Variants in OXNAD1 observed in about 807,000 individuals in gnomAD.
The protein encoded by OXNAD1 is oxidoreductase NAD binding domain containing 1, also known as oxidoreductase NAD-binding domain-containing protein 1.
A neutral mutation model predicts 32.9 loss-of-function variants in OXNAD1; 34 were observed. The observed-to-expected ratio is 1.03, with a 90% confidence interval of 0.79 to 1.38. The LOEUF (loss-of-function observed/expected upper bound fraction) is 1.38, where lower values mean the gene tolerates loss of function less well. Ranked by LOEUF, OXNAD1 falls within the 40% of genes most tolerant of loss-of-function variation. The pLI is 0.00. For synonymous variants in OXNAD1, 134 were observed against 135.2 expected (o/e 0.99, Z 0.06); for missense variants, 407 against 379.4 (o/e 1.07, Z -0.60).
intron 9 of OXNAD1, among the ~76,000 whole-genome samples, chr3:16,333,904 G>A (rs867657627): frequency 7.9e-5 from 12 of 152,214 alleles, no homozygotes; most frequent in South Asian, 4.1e-4. Context: ...GGTGGCTCAC[G>A]CCTGTAATCC....
chr3:16,285,884 A>G (rs1051938372), intron 4 of OXNAD1, among the ~76,000 whole-genome samples: 1 of 152,190 alleles, frequency 6.6e-6, no homozygotes, highest in African/African-American at 2.4e-5. Flanking sequence ...TGATTTCTGA[A>G]ATTAGCTCTT....
chr3:16,295,922 C>T (rs2066754398), intron 6 of OXNAD1, among the ~76,000 whole-genome samples: 1 of 152,092 alleles, frequency 6.6e-6, no homozygotes, highest in Admixed American at 6.5e-5. Flanking sequence ...TTAAAGGTTG[C>T]AGAGAATTTT....
In OXNAD1 at chr3:16,317,790, C is replaced by T. The variant is rs980511894; in HGVS notation, c.*30+14198C>T. On this transcript the variant is annotated intron_variant, in intron 9 of 9. Coordinates refer to the OXNAD1 transcript ENST00000435829. This position sits in a 1 kb window ranked among gnomAD's most constrained non-coding sequence, Gnocchi z 4.3. ...GCTAGGCCGATAGCCCTTTGCTGAC[C>T]ACCACCTCACAGAAGGGTCACACCA... Among the ~76,000 whole-genome samples, 1 of 151,806 alleles carries T rather than the reference C, an allele frequency of 6.6e-6. No homozygotes were observed. Among genetic ancestry groups the T allele is most frequent in the African/African-American group, 2.4e-5 (1 of 41,104 alleles).
In OXNAD1 at chr3:16,336,614, G is replaced by A. The variant is rs140938139; in HGVS notation, c.*31-498G>A. ...CAACATAATAGAGTCTGAGAGAGCA[G>A]TCTTCTCATTTTAGACAACTTAGGC... On this transcript the variant is annotated intron_variant, in intron 9 of 9. Coordinates refer to the OXNAD1 transcript ENST00000435829. This position sits in a 1 kb window ranked among gnomAD's most constrained non-coding sequence, Gnocchi z 6.0. Among the ~76,000 whole-genome samples the A allele has an allele frequency of 1.3e-5, 2 of 152,334 alleles. No homozygotes were observed. The highest frequency in any genetic ancestry group is 4.8e-5 in the African/African-American group (2 of 41,582).
chr3:16,307,334 C>A (rs149363846), downstream of OXNAD1, among the ~76,000 whole-genome samples: 8 of 152,158 alleles, frequency 5.3e-5, no homozygotes. Context: ...AGGTTCGGGG[C>A]TCTTAACGTG....
rs2064941094 is a variant in OXNAD1, at chr3:16,271,522, G to A, written c.120-137G>A. On this transcript the variant is annotated intron_variant, in intron 3 of 8. Transcript: ENST00000285083. The surrounding 1 kb of genome is among the most constrained non-coding windows in gnomAD (Gnocchi z 4.6). ...CCCGGCCAAAACTTTAGTTAGACGG[G>A]CAGATACTCACTGGCCATTTTATAG... The A allele has an allele frequency of 5.6e-6, 4 of 713,138 alleles. No individual in the cohort carries two copies. Among genetic ancestry groups the A allele is most frequent in the Non-Finnish European group, 8.7e-6 (4 of 461,786 alleles). 44.2% of individuals were successfully genotyped at this position (713,138 alleles called of 1,614,324 possible).
rs1033267892 is a variant in OXNAD1, at chr3:16,346,038, C to G, written c.*31-3138C>G. Reference sequence around the variant, plus strand: ...ATCAAAATTCACTTTGCCCCATGATCTTCACCAGAACGGCATACTTGCCTC... The same window carrying G: ...ATCAAAATTCACTTTGCCCCATGATGTTCACCAGAACGGCATACTTGCCTC... On this transcript the variant is annotated intron_variant, in intron 9 of 9. Coordinates refer to the OXNAD1 transcript ENST00000606098. This position sits in a 1 kb window ranked among gnomAD's most constrained non-coding sequence, Gnocchi z 4.4. 1.3e-5 allele frequency: 2 copies of G among 152,166 alleles called. No homozygotes were observed. The highest frequency in any genetic ancestry group is 4.8e-5 in the African/African-American group (2 of 41,434). 9.4% of individuals were successfully genotyped at this position (152,166 alleles called of 1,614,324 possible).
Position 16,302,718 on chromosome 3 carries a change from AT to A in OXNAD1, c.755del (p.Ile252ThrfsTer14). 1 of 1,613,152 alleles carries A rather than the reference AT, an allele frequency of 6.2e-7. No individual in the cohort carries two copies. The highest frequency in any genetic ancestry group is 8.5e-7 in the Non-Finnish European group (1 of 1,179,256). ...SLHVTKQTTQ[I>X]NAELKPYITE... is the part of the protein sequence containing the mutation. ...GCATGTTACAAAACAGACTACACAAATCAATGCGGAACTCAAGCCATACATC... is the reference window on the plus strand; with the variant it reads ...GCATGTTACAAAACAGACTACACAAACAATGCGGAACTCAAGCCATACATC... On this transcript the variant is annotated frameshift_variant, in exon 8 of 9. Coordinates refer to ENST00000285083, the MANE Select transcript of OXNAD1 (RefSeq NM_138381.5). LOFTEE classifies it high-confidence loss of function. This position sits in a 1 kb window ranked among gnomAD's most constrained non-coding sequence, Gnocchi z 4.2.
In OXNAD1 at chr3:16,336,578, T is replaced by C. The variant is rs1488962372; in HGVS notation, c.*31-534T>C. ...GCCCCAGAAAAACATTTTGCTGATA[T>C]GTAATCAGGACAACATAATAGAGTC... On this transcript the variant is annotated intron_variant, in intron 9 of 9. Transcript: ENST00000435829. This position sits in a 1 kb window ranked among gnomAD's most constrained non-coding sequence, Gnocchi z 6.0. Among the ~76,000 whole-genome samples, 6 of 152,252 alleles carry C rather than the reference T, an allele frequency of 3.9e-5. No individual in the cohort carries two copies. Among genetic ancestry groups the C allele is most frequent in the African/African-American group, 1.4e-4 (6 of 41,470 alleles).
chr3:16,326,945 T>C (rs1574977631), intron 9 of OXNAD1: 2 of 1,195,270 alleles, frequency 1.7e-6, no homozygotes, highest in African/African-American at 3.0e-5. Context: ...GAGAGGGGAC[T>C]ATTCAGTCTG....
At chr3:16,281,675 A>G (rs1031048718) in intron 4 of OXNAD1, among the ~76,000 whole-genome samples, 1 of 152,166 alleles carries the variant, frequency 6.6e-6, no homozygotes, top group Non-Finnish European at 1.5e-5. Flanking sequence ...TTACATTTGG[A>G]CATTGGAAAA....
downstream of OXNAD1, among the ~76,000 whole-genome samples, chr3:16,309,704 C>T (rs1482410540): frequency 4.0e-5 from 6 of 151,672 alleles, no homozygotes; most frequent in Admixed American, 6.6e-5. Flanking sequence ...AGGAACATGA[C>T]ACCAGGCTTC....
In OXNAD1 at chr3:16,303,553, GT is replaced by G; in HGVS notation, c.931del (p.Trp311GlyfsTer14). The G allele has an allele frequency of 2.5e-6, 4 of 1,613,830 alleles. No individual in the cohort carries two copies. Among genetic ancestry groups the G allele is most frequent in the Non-Finnish European group, 3.4e-6 (4 of 1,179,854 alleles). On this transcript the variant is annotated frameshift_variant, in exon 9 of 9. Transcript: ENST00000285083. LOFTEE classifies it high-confidence loss of function. The surrounding 1 kb of genome is among the most constrained non-coding windows in gnomAD (Gnocchi z 4.8). ...VPKEHICFEK[W>X]W ...CCAAAGAACACATTTGCTTTGAGAAGTGGTGGTAGGAGGCAGACAAAGGCAG... is the reference window on the plus strand; with the variant it reads ...CCAAAGAACACATTTGCTTTGAGAAGGGTGGTAGGAGGCAGACAAAGGCAG...
rs2066857261 is a variant in OXNAD1, at chr3:16,297,155, A to G, written c.432+2158A>G. Reference sequence around the variant, plus strand: ...AAGTCAACAAAAAGAAACAAGCAACATGATTTTTTTAAATGGACAAAGGAT... The same window carrying G: ...AAGTCAACAAAAAGAAACAAGCAACGTGATTTTTTTAAATGGACAAAGGAT... On this transcript the variant is annotated intron_variant, in intron 6 of 8. Transcript: ENST00000285083. This position sits in a 1 kb window ranked among gnomAD's most constrained non-coding sequence, Gnocchi z 4.3. 6.6e-6 allele frequency among the ~76,000 whole-genome samples: 1 copy of G among 152,252 alleles called. No homozygotes were observed. The highest frequency in any genetic ancestry group is 6.5e-5 in the Admixed American group (1 of 15,278).
downstream of OXNAD1, among the ~76,000 whole-genome samples, chr3:16,308,606 T>TCTGGTCTTTAATATTACTCTTTC (rs1283464225): frequency 1.3e-5 from 2 of 152,204 alleles, no homozygotes; most frequent in Non-Finnish European, 2.9e-5. The surrounding 1 kb of genome is among the most constrained non-coding windows in gnomAD (Gnocchi z 4.4). Flanking sequence ...CAGTGAGATG[T>TCTGGTCTTTAATATTACTCTTTC]CTGGTCTTTA....
chr3:16,309,194 TC>T (rs1374916237), downstream of OXNAD1, among the ~76,000 whole-genome samples: 3 of 152,190 alleles, frequency 2.0e-5, no homozygotes, highest in Admixed American at 1.3e-4. Context: ...CTTAACCATA[TC>T]TCCATGATGG....
rs1393678922 is a variant in OXNAD1, at chr3:16,329,571, C to T, written c.*31-7541C>T. Among the ~76,000 whole-genome samples the T allele has an allele frequency of 6.6e-6, 1 of 152,166 alleles. No homozygotes were observed. The highest frequency in any genetic ancestry group is 1.5e-5 in the Non-Finnish European group (1 of 68,018). On this transcript the variant is annotated intron_variant, in intron 9 of 9. Transcript: ENST00000435829. The surrounding 1 kb of genome is among the most constrained non-coding windows in gnomAD (Gnocchi z 4.5). Reference sequence around the variant, plus strand: ...CGCACACCTCCCTTCCAGACCAGCACAGCCCGTATTCCTCCTGCTGGGTGC... The same window carrying T: ...CGCACACCTCCCTTCCAGACCAGCATAGCCCGTATTCCTCCTGCTGGGTGC...
rs1169214187 is a variant in OXNAD1, at chr3:16,336,322, A to AG, written c.*31-786dup. 6.6e-6 allele frequency among the ~76,000 whole-genome samples: 1 copy of AG among 152,096 alleles called. No homozygotes were observed. Among genetic ancestry groups the AG allele is most frequent in the Non-Finnish European group, 1.5e-5 (1 of 68,008 alleles). Reference sequence around the variant, plus strand: ...CTTCTGCCCCAGGAGATCCCAGTCTAGGGGTGGGGAGAACAAGCACATGGT... The same window carrying AG: ...CTTCTGCCCCAGGAGATCCCAGTCTAGGGGGTGGGGAGAACAAGCACATGGT... On this transcript the variant is annotated intron_variant, in intron 9 of 9. Coordinates refer to the OXNAD1 transcript ENST00000435829. The surrounding 1 kb of genome is among the most constrained non-coding windows in gnomAD (Gnocchi z 6.0).
rs540487586 is a variant in OXNAD1, at chr3:16,342,681, C to G, written c.*31-6495C>G. ...TGGCCTCACTAGACTAGTTCTCAAG[C>G]CTTCTTAAGTCTAATTTGCCAAGCC... On this transcript the variant is annotated intron_variant, in intron 9 of 9. Transcript: ENST00000606098. This position sits in a 1 kb window ranked among gnomAD's most constrained non-coding sequence, Gnocchi z 4.0. Among the ~76,000 whole-genome samples, 57 of 152,302 alleles carry G rather than the reference C, an allele frequency of 3.7e-4. No homozygotes were observed. The highest frequency in any genetic ancestry group is 1.3e-3 in the African/African-American group (53 of 41,570).
Sources: allele counts gnomAD v4.1 joint callset (sites outside exome capture counted in the v4.1 genomes callset), GRCh38; gene constraint gnomAD v4.1.1; non-coding constraint Gnocchi (gnomAD v3.1); transcripts MANE v1.5; gene names NCBI Gene and HGNC (gene_info 2026-07-23, HGNC 2026-07-21).